THSD7A: variants seen among roughly 807,000 people sequenced by gnomAD.
THSD7A encodes the protein thrombospondin type 1 domain containing 7A.
In THSD7A, 96 loss-of-function variants were observed where a neutral mutation model predicts 231.3. That is an observed-to-expected ratio of 0.41 (90% confidence interval 0.35 to 0.49). The LOEUF is 0.49. Among genes scored for constraint, THSD7A ranks in the 20% least tolerant of loss-of-function variants. The pLI, the probability that THSD7A is intolerant of heterozygous loss-of-function variation, is 0.05. For missense variants in THSD7A, 2,290 were observed against 2,070.2 expected, an observed-to-expected ratio of 1.11 and a Z score of -2.06; for synonymous variants, 940 against 743.3, an observed-to-expected ratio of 1.26 and a Z score of -4.30.
intron 1 of THSD7A, among the ~76,000 whole-genome samples, chr7:11,729,559 G>T (rs75090997): frequency 0.023 from 3,469 of 151,882 alleles, 110 homozygotes; most frequent in African/African-American, 0.079. Flanking sequence ...ATTATACTCT[G>T]TAATAATAGT....
chr7:11,562,431 C>T (rs1790114157), intron 4 of THSD7A, among the ~76,000 whole-genome samples: 2 of 152,098 alleles, frequency 1.3e-5, no homozygotes. Context: ...TTCATTCATC[C>T]ATTTAGCAAA....
intron 1 of THSD7A, among the ~76,000 whole-genome samples, chr7:11,683,591 A>G (rs1055391755): frequency 6.6e-6 from 1 of 152,092 alleles, no homozygotes; most frequent in Non-Finnish European, 1.5e-5. Context: ...TCTACTATGA[A>G]CATGTCTATG....
Position 11,637,800 on chromosome 7 carries a change from C to A in THSD7A, c.191-839G>T, listed in dbSNP as rs1781927592. ...AAATATGGGTTTTTTTCTGTGAAAT[C>A]CTTCTTAGAATAAACTTTATATTCA... On this transcript the variant is annotated intron_variant, in intron 1 of 27. Coordinates refer to ENST00000423059, the MANE Select transcript of THSD7A (RefSeq NM_015204.3). This position sits in a 1 kb window ranked among gnomAD's most constrained non-coding sequence, Gnocchi z 4.2. Among the ~76,000 whole-genome samples, 2 of 151,954 alleles carry A rather than the reference C, an allele frequency of 1.3e-5. No homozygotes were observed. Among genetic ancestry groups the A allele is most frequent in the African/African-American group, 4.8e-5 (2 of 41,346 alleles).
intron 1 of THSD7A, among the ~76,000 whole-genome samples, chr7:11,717,766 A>G (rs989178314): frequency 6.6e-6 from 1 of 151,634 alleles, no homozygotes; most frequent in East Asian, 2.0e-4. Context: ...CAAACTAAGA[A>G]GTAGATATGA....
chr7:11,479,995 C>A (rs1211387865), intron 7 of THSD7A, among the ~76,000 whole-genome samples: 2 of 152,122 alleles, frequency 1.3e-5, no homozygotes, highest in East Asian at 3.9e-4. Context: ...TTGATTATTA[C>A]ACAATTTATC....
intron 1 of THSD7A, among the ~76,000 whole-genome samples, chr7:11,829,854 A>ATT: frequency 6.9e-6 from 1 of 145,934 alleles, no homozygotes; most frequent in South Asian, 2.1e-4. Context: ...TGAATGAACT[A>ATT]TTTTTTTTTT....
At chr7:11,555,012 G>A (rs184565236) in intron 4 of THSD7A, among the ~76,000 whole-genome samples, 2 of 151,828 alleles carry the variant, frequency 1.3e-5, no homozygotes, top group Admixed American at 1.3e-4. Context: ...TATCACCCTT[G>A]CTAGAGGTTT....
intron 2 of THSD7A, among the ~76,000 whole-genome samples, chr7:11,594,005 T>C (rs1056273374): frequency 2.6e-5 from 4 of 152,154 alleles, no homozygotes; most frequent in Admixed American, 1.3e-4. Context: ...TTTGAGTCAC[T>C]GGCTGGGAAA....
At chr7:11,429,876 C>T (rs1784428108) in intron 13 of THSD7A, among the ~76,000 whole-genome samples, 1 of 152,180 alleles carries the variant, frequency 6.6e-6, no homozygotes, top group African/African-American at 2.4e-5. Context: ...TCCATCAAAT[C>T]ATCCAACCAA....
At chr7:11,597,981 G>A (rs1251365951) in intron 2 of THSD7A, among the ~76,000 whole-genome samples, 2 of 152,178 alleles carry the variant, frequency 1.3e-5, no homozygotes, top group African/African-American at 4.8e-5. Flanking sequence ...CTAGGGTCTG[G>A]TTCAAAGATG....
chr7:11,682,847 G>A (rs535947126), intron 1 of THSD7A, among the ~76,000 whole-genome samples: 2 of 151,896 alleles, frequency 1.3e-5, no homozygotes, highest in African/African-American at 4.8e-5. Flanking sequence ...GATTGATCAC[G>A]TTTGGTCACA....
chr7:11,487,543 C>T (rs1429481744), intron 6 of THSD7A, among the ~76,000 whole-genome samples: 4 of 151,914 alleles, frequency 2.6e-5, no homozygotes, highest in African/African-American at 9.7e-5. Context: ...TGTATTAGTC[C>T]ATTTTCATGC....
At chr7:11,700,118 C>CT (rs1780540796) in intron 1 of THSD7A, among the ~76,000 whole-genome samples, 2 of 151,180 alleles carry the variant, frequency 1.3e-5, no homozygotes, top group African/African-American at 4.8e-5. Context: ...TAATTACTCT[C>CT]TAAAAACGAC....
At chr7:11,688,532 G>C (rs1291026113) in intron 1 of THSD7A, among the ~76,000 whole-genome samples, 1 of 151,832 alleles carries the variant, frequency 6.6e-6, no homozygotes, top group Admixed American at 6.6e-5. Context: ...GAAAAGAAGC[G>C]AGACTTCCCT....
intron 4 of THSD7A, among the ~76,000 whole-genome samples, chr7:11,585,529 C>T (rs991500857): frequency 1.3e-5 from 2 of 152,166 alleles, no homozygotes; most frequent in Non-Finnish European, 1.5e-5. Context: ...CCACCGCATA[C>T]GTCTGGTCAC....
chr7:11,615,826 A>G (rs1781086064), intron 2 of THSD7A, among the ~76,000 whole-genome samples: 3 of 152,164 alleles, frequency 2.0e-5, no homozygotes, highest in Admixed American at 1.3e-4. Context: ...TTTATCTGAC[A>G]TTATATGATT....
At chr7:11,581,309 T>C (rs1008318246) in intron 4 of THSD7A, among the ~76,000 whole-genome samples, 8 of 152,250 alleles carry the variant, frequency 5.3e-5, no homozygotes, top group Admixed American at 4.6e-4. Flanking sequence ...TTGTTTGTAG[T>C]CTATTAAAAT....
chr7:11,468,447 T>A (rs2128300443), intron 9 of THSD7A, among the ~76,000 whole-genome samples: 1 of 152,146 alleles, frequency 6.6e-6, no homozygotes, highest in Non-Finnish European at 1.5e-5. Flanking sequence ...GCAATGACAC[T>A]GCATAGCAAG....
chr7:11,422,799 C>T (rs1462519025), intron 16 of THSD7A, among the ~76,000 whole-genome samples: 1 of 152,012 alleles, frequency 6.6e-6, no homozygotes, highest in Non-Finnish European at 1.5e-5. Context: ...ACTACAGGTG[C>T]ATGCCACCAT....
Sources: allele counts gnomAD v4.1 joint callset (sites outside exome capture counted in the v4.1 genomes callset), GRCh38; gene constraint gnomAD v4.1.1; non-coding constraint Gnocchi (gnomAD v3.1); transcripts MANE v1.5; gene names NCBI Gene and HGNC (gene_info 2026-07-23, HGNC 2026-07-21).